The following ZNF69 variants were observed in gnomAD, a reference collection of about 807,000 sequenced individuals.
ZNF69 encodes ZNF3.
ZNF69 carries 47 observed loss-of-function variants against 50.9 expected under a neutral mutation model. The ratio of observed to expected loss-of-function variants is 0.92; its 90% CI spans 0.73 to 1.18. The LOEUF is 1.18. Among genes scored for constraint, ZNF69 ranks in the 50% most tolerant of loss-of-function variants. The pLI, the probability that ZNF69 is intolerant of heterozygous loss-of-function variation, is 0.00. For synonymous variants in ZNF69, 216 were observed against 223.1 expected, an observed-to-expected ratio of 0.97 and a Z score of 0.29; for missense variants, 717 against 675.1, an observed-to-expected ratio of 1.06 and a Z score of -0.69.
the ZNF69 span, among the ~76,000 whole-genome samples, chr19:11,966,027 AG>A: frequency 1.3e-5 from 2 of 152,152 alleles, no homozygotes; most frequent in African/African-American, 4.8e-5. Context: ...TGCTGAAGGA[AG>A]GGGGTCTGTT....
chr19:11,903,097 A>G (rs542840526), intron 1 of ZNF69, among the ~76,000 whole-genome samples: 225 of 152,258 alleles, frequency 1.5e-3, no homozygotes, highest in Middle Eastern at 6.8e-3. Context: ...CGATGGTGCC[A>G]CTACACTCCA....
the ZNF69 span, chr19:11,948,462 A>G: frequency 6.2e-7 from 1 of 1,614,162 alleles, no homozygotes; most frequent in South Asian, 1.1e-5. Context: ...TGAGCATCAG[A>G]GGTGACACTG....
At chr19:11,924,889 T>C in the ZNF69 span, among the ~76,000 whole-genome samples, 2 of 152,192 alleles carry the variant, frequency 1.3e-5, no homozygotes. Flanking sequence ...AATAGCAAGT[T>C]TGGCTGAAAT....
chr19:11,901,984 T>C (rs80299041), intron 1 of ZNF69, among the ~76,000 whole-genome samples: 2,818 of 148,804 alleles, frequency 0.019, 49 homozygotes, highest in African/African-American at 0.045. Flanking sequence ...TTTTCTTTTT[T>C]TTTTTTTTTT....
In ZNF69 at chr19:11,904,735, A is replaced by G. The variant is rs1972324065; in HGVS notation, c.338A>G (p.Asn113Ser). The G allele has an allele frequency of 1.2e-6, 2 of 1,613,866 alleles. No homozygotes were observed. Among genetic ancestry groups the G allele is most frequent in the African/African-American group, 1.3e-5 (1 of 74,932 alleles). ...ACCCAGGTTCCAGATGACAGGCTGA[A>G]CTTCCAGGAGAAGAAAGCTTCTCCT... ...TFTQVPDDRL[N>S]FQEKKASPEI... is the part of the protein sequence containing the mutation. Residue 113 changes from asparagine (N) to serine (S), a missense_variant, in exon 4 of 4, where the codon AAC becomes AGC. Asn to Ser is a conservative substitution (Grantham distance 46). Transcript: ENST00000429654.
At chr19:11,928,058 C>T in the ZNF69 span, among the ~76,000 whole-genome samples, 4 of 151,722 alleles carry the variant, frequency 2.6e-5, no homozygotes, top group Admixed American at 6.6e-5. Context: ...AGCAGTGGTG[C>T]GATGATGGCT....
the ZNF69 span, chr19:11,950,127 G>A: frequency 6.2e-7 from 1 of 1,614,114 alleles, no homozygotes; most frequent in Non-Finnish European, 8.5e-7. Flanking sequence ...ACATTGGAGA[G>A]AAACACTATG....
the ZNF69 span, chr19:11,950,268 T>C: frequency 5.0e-6 from 8 of 1,595,752 alleles, no homozygotes; most frequent in African/African-American, 9.5e-5. Flanking sequence ...GTTCCTTTTA[T>C]GGACATGAAT....
At chr19:11,973,770 G>A in the ZNF69 span, among the ~76,000 whole-genome samples, 1 of 150,400 alleles carries the variant, frequency 6.6e-6, no homozygotes, top group East Asian at 1.9e-4. Context: ...GTTTTTGGCA[G>A]TTATGAGTAA....
chr19:11,962,145 T>C, the ZNF69 span, among the ~76,000 whole-genome samples: 17,656 of 151,834 alleles, frequency 0.12, 1,830 homozygotes, highest in African/African-American at 0.28. Flanking sequence ...AGGACGGGCG[T>C]GGTGGCTCAC....
chr19:11,924,400 CCAGCCTGG>C, the ZNF69 span, among the ~76,000 whole-genome samples: 1 of 138,112 alleles, frequency 7.2e-6, no homozygotes, highest in African/African-American at 2.6e-5. Context: ...CCACTGCACT[CCAGCCTGG>C]GCTACAGAGC....
the ZNF69 span, among the ~76,000 whole-genome samples, chr19:11,927,829 G>C: frequency 6.6e-6 from 1 of 152,264 alleles, no homozygotes; most frequent in East Asian, 1.9e-4. Flanking sequence ...TGTGATCATG[G>C]GTTGTGACTG....
intron 1 of ZNF69, among the ~76,000 whole-genome samples, chr19:11,901,273 T>C (rs1384924778): frequency 2.6e-5 from 4 of 152,218 alleles, no homozygotes; most frequent in Non-Finnish European, 5.9e-5. Flanking sequence ...ATTTAATTTA[T>C]TGAGCATTTT....
intron 1 of ZNF69, among the ~76,000 whole-genome samples, chr19:11,897,787 G>T (rs1210899943): frequency 2.7e-5 from 4 of 149,568 alleles, no homozygotes; most frequent in Non-Finnish European, 5.9e-5. Context: ...CAGGAGAATG[G>T]CATGAACCCG....
At chr19:11,979,197 C>T in the ZNF69 span, 2 of 1,610,990 alleles carry the variant, frequency 1.2e-6, no homozygotes, top group African/African-American at 2.7e-5. Flanking sequence ...CCTATAAATG[C>T]ATGCCATGTG....
intron 1 of ZNF69, among the ~76,000 whole-genome samples, chr19:11,894,062 T>A (rs569837785): frequency 8.5e-5 from 13 of 152,300 alleles, no homozygotes; most frequent in African/African-American, 2.9e-4. Flanking sequence ...TGGGAAATAG[T>A]CATTGAGCAC....
chr19:11,954,093 A>G, the ZNF69 span, among the ~76,000 whole-genome samples: 1 of 152,230 alleles, frequency 6.6e-6, no homozygotes, highest in African/African-American at 2.4e-5. Flanking sequence ...AAGCAGATTA[A>G]TAGGAGAAAA....
At chr19:11,959,147 A>G in the ZNF69 span, among the ~76,000 whole-genome samples, 1 of 152,156 alleles carries the variant, frequency 6.6e-6, no homozygotes, top group African/African-American at 2.4e-5. Context: ...TCAGCCTCCC[A>G]AAGTTCTGGG....
chr19:11,927,903 C>T, the ZNF69 span, among the ~76,000 whole-genome samples: 183 of 152,264 alleles, frequency 1.2e-3, no homozygotes, highest in Non-Finnish European at 2.3e-3. Context: ...ACTCTGGCTC[C>T]CCTAGGCACC....
Sources: allele counts gnomAD v4.1 joint callset (sites outside exome capture counted in the v4.1 genomes callset), GRCh38; gene constraint gnomAD v4.1.1; transcripts MANE v1.5; gene names NCBI Gene and HGNC (gene_info 2026-07-23, HGNC 2026-07-21).